The following FNDC3B variants were observed in gnomAD, a reference collection of about 807,000 sequenced individuals.
FNDC3B encodes the protein fibronectin type III domain-containing protein 3B.
Under a neutral mutation model 151.5 loss-of-function variants are expected in FNDC3B, and 12 were observed. The ratio of observed to expected loss-of-function variants is 0.08; its 90% CI spans 0.05 to 0.13. FNDC3B has a LOEUF of 0.13. FNDC3B is among the 10% of genes least tolerant of loss of function. The pLI is 1.00. For missense variants in FNDC3B, 1,214 were observed against 1,505.3 expected (o/e 0.81, Z 3.20); for synonymous variants, 528 against 549.0 (o/e 0.96, Z 0.54).
At chr3:172,261,030 A>G (rs1196102718) in intron 6 of FNDC3B, among the ~76,000 whole-genome samples, 1 of 152,202 alleles carries the variant, frequency 6.6e-6, no homozygotes, top group East Asian at 1.9e-4. Flanking sequence ...CATTAGGGCA[A>G]TTAGTTAAGC....
chr3:172,296,118 C>T (rs1399805483), intron 8 of FNDC3B, among the ~76,000 whole-genome samples: 1 of 152,120 alleles, frequency 6.6e-6, no homozygotes, highest in Non-Finnish European at 1.5e-5. Context: ...ATTTTAGGGC[C>T]ACGTCTTTCT....
intron 9 of FNDC3B, chr3:172,302,097 C>G (rs1476893257): frequency 6.6e-6 from 1 of 152,130 alleles, no homozygotes; most frequent in African/African-American, 2.4e-5. Flanking sequence ...TTCTTGTATT[C>G]CTTGTTACTT....
At chr3:172,254,141 G>A (rs1453397627) in intron 6 of FNDC3B, among the ~76,000 whole-genome samples, 3 of 152,122 alleles carry the variant, frequency 2.0e-5, no homozygotes. Context: ...GACTAAGTTT[G>A]TGCCTGGTCC....
chr3:172,043,227 T>G (rs1716182604), intron 1 of FNDC3B, among the ~76,000 whole-genome samples: 1 of 152,232 alleles, frequency 6.6e-6, no homozygotes, highest in African/African-American at 2.4e-5. Flanking sequence ...TAAGTTTTAT[T>G]TACTTGTAAT....
chr3:172,277,226 T>C (rs1471018706), intron 6 of FNDC3B, among the ~76,000 whole-genome samples: 2 of 152,232 alleles, frequency 1.3e-5, no homozygotes, highest in Non-Finnish European at 2.9e-5. Flanking sequence ...TGTTTTTCTA[T>C]AGCAATCTAG....
At chr3:172,161,500 G>A (rs1404550619) in intron 3 of FNDC3B, among the ~76,000 whole-genome samples, 2 of 152,166 alleles carry the variant, frequency 1.3e-5, no homozygotes, top group Non-Finnish European at 2.9e-5. Context: ...AAAACCTATT[G>A]ATTACCAGAC....
At chr3:172,330,452 G>A in intron 12 of FNDC3B, 89 bp from the exon 13 acceptor site, 2 of 1,151,376 alleles carry the variant, frequency 1.7e-6, no homozygotes, top group South Asian at 1.5e-5. Context: ...AGGCTGAGTT[G>A]GGTAGTGTGC....
chr3:172,111,221 G>A (rs1049625640), intron 1 of FNDC3B, among the ~76,000 whole-genome samples: 1 of 151,768 alleles, frequency 6.6e-6, no homozygotes. Context: ...ATAGACATTA[G>A]ATTTCTTCTC....
chr3:172,320,057 T>C (rs1337783934), intron 11 of FNDC3B, among the ~76,000 whole-genome samples: 1 of 151,986 alleles, frequency 6.6e-6, no homozygotes, highest in Non-Finnish European at 1.5e-5. Flanking sequence ...TAAGAGCAGC[T>C]CAGGAAGGCA....
chr3:172,045,788 C>CTA (rs1427723759), intron 1 of FNDC3B, among the ~76,000 whole-genome samples: 433 of 134,936 alleles, frequency 3.2e-3, no homozygotes, highest in African/African-American at 5.7e-3. Context: ...CTCTCTCTCT[C>CTA]TCTCTCTATA....
chr3:172,389,877 A>T (rs1432233464), intron 25 of FNDC3B, among the ~76,000 whole-genome samples: 2 of 152,096 alleles, frequency 1.3e-5, no homozygotes, highest in East Asian at 3.8e-4. Context: ...AAAAAGAAAA[A>T]CTATTCACGT....
intron 1 of FNDC3B, among the ~76,000 whole-genome samples, chr3:172,102,796 C>T (rs1719438735): frequency 6.6e-6 from 1 of 152,194 alleles, no homozygotes; most frequent in Non-Finnish European, 1.5e-5. Flanking sequence ...TAGAATTAGA[C>T]TTCCTCAAGG....
intron 3 of FNDC3B, among the ~76,000 whole-genome samples, chr3:172,147,061 C>T (rs967374201): frequency 2.6e-5 from 4 of 151,988 alleles, no homozygotes; most frequent in Non-Finnish European, 4.4e-5. Flanking sequence ...TAATCAGCAC[C>T]GTGGGAGGCC....
At chr3:172,100,953 C>G (rs920074991) in intron 1 of FNDC3B, among the ~76,000 whole-genome samples, 1 of 152,040 alleles carries the variant, frequency 6.6e-6, no homozygotes, top group Non-Finnish European at 1.5e-5. Context: ...TTGCTTATGT[C>G]AGAAATCTTT....
chr3:172,041,363 CTTTCTTTCTTTCTTTCTTTCTT>C (rs1394895928), intron 1 of FNDC3B, among the ~76,000 whole-genome samples: 2 of 100,618 alleles, frequency 2.0e-5, no homozygotes, highest in Non-Finnish European at 4.4e-5. Context: ...AAATCGTTTT[CTTTCTTTCTTTCTTTCTTTCTT>C]TTTCTTTCTT....
chr3:172,381,561 G>A (rs887185865), intron 25 of FNDC3B, among the ~76,000 whole-genome samples: 2 of 151,610 alleles, frequency 1.3e-5, no homozygotes, highest in Admixed American at 6.6e-5. Context: ...ATGGTAGTTT[G>A]CTGCGCCCAT....
chr3:172,257,744 G>A (rs1178241334), intron 6 of FNDC3B, among the ~76,000 whole-genome samples: 1 of 152,164 alleles, frequency 6.6e-6, no homozygotes, highest in Non-Finnish European at 1.5e-5. Context: ...CAGACCAGCA[G>A]TATCAGTACC....
At position 172,401,153 on chromosome 3, in the gene FNDC3B, C is replaced by T. The variant is rs1214524541; in HGVS notation, c.*3678C>T. 2 of 152,282 alleles carry T rather than the reference C, an allele frequency of 1.3e-5. No homozygotes were observed. The highest frequency in any genetic ancestry group is 2.9e-5 in the Non-Finnish European group (2 of 68,192). 9.4% of individuals were successfully genotyped at this position (152,282 alleles called of 1,614,324 possible). A position where few individuals can be genotyped will look rare whatever the true frequency, so the allele number is the denominator to read the frequency against. On this transcript the variant is annotated 3_prime_UTR_variant, in exon 26 of 26. Coordinates refer to ENST00000415807, the MANE Select transcript of FNDC3B (RefSeq NM_022763.4). ...GGCCAAGATGGTCTCGATCTGACCT[C>T]GTGATCTGCCCGCCTCGGCCTCCCA...
rs925208150 is a variant in FNDC3B, at chr3:172,045,067, T to C, written c.-29+5296T>C. On this transcript the variant is annotated intron_variant, in intron 1 of 25. Coordinates refer to ENST00000415807, the MANE Select transcript of FNDC3B (RefSeq NM_022763.4). The stretch of plus-strand genomic sequence containing the variant: ...CACAAGGGATTAATGAGTCAGTGTA[T>C]TGAGAAGTGTTTGGCAAAGCCTTAT... Among the ~76,000 whole-genome samples the C allele has an allele frequency of 5.3e-5, 8 of 152,342 alleles. No individual in the cohort carries two copies. In the East Asian group the frequency reaches 1.3e-3, roughly 26 times the overall value.
Sources: allele counts gnomAD v4.1 joint callset (sites outside exome capture counted in the v4.1 genomes callset), GRCh38; gene constraint gnomAD v4.1.1; transcripts MANE v1.5; gene names NCBI Gene and HGNC (gene_info 2026-07-23, HGNC 2026-07-21).